Variants in OVCH1 observed in about 807,000 individuals in gnomAD.
OVCH1 encodes the protein ovochymase 1.
A neutral mutation model predicts 138.4 loss-of-function variants in OVCH1; 139 were observed. The observed-to-expected ratio is 1.00, with a 90% CI of 0.87 to 1.16. The LOEUF is 1.16. OVCH1 is among the 50% of genes most tolerant of loss of function. The pLI, the probability that OVCH1 is intolerant of heterozygous loss-of-function variation, is 0.00. For synonymous variants in OVCH1, 453 were observed against 467.8 expected (o/e 0.97, Z 0.41); for missense variants, 1,367 against 1,357.9 (o/e 1.01, Z -0.11).
chr12:29,437,287 A>G (rs1221799000), intron 26 of OVCH1, among the ~76,000 whole-genome samples: 1 of 152,208 alleles, frequency 6.6e-6, no homozygotes, highest in Non-Finnish European at 1.5e-5. Context: ...TGTCATTTTT[A>G]AAAGTAGGGT....
At chr12:29,491,057 A>G in intron 5 of OVCH1, 40 bp downstream of exon 5, 1 of 1,509,938 alleles carries the variant, frequency 6.6e-7, no homozygotes, top group Non-Finnish European at 9.2e-7. Context: ...GGACATACAG[A>G]GAGCTGGAAG....
intron 14 of OVCH1, among the ~76,000 whole-genome samples, chr12:29,473,585 A>G (rs761724997): frequency 6.6e-6 from 1 of 152,072 alleles, no homozygotes; most frequent in Non-Finnish European, 1.5e-5. Flanking sequence ...ATTGAACCAA[A>G]TGATTTTAAG....
At chr12:29,472,640 G>A (rs1405677852) in intron 15 of OVCH1, among the ~76,000 whole-genome samples, 4 of 152,146 alleles carry the variant, frequency 2.6e-5, no homozygotes, top group African/African-American at 7.2e-5. Context: ...AACAATGAGG[G>A]ATCATAGTAT....
chr12:29,461,869 C>T (rs1490157446), exon 19 of OVCH1: 1 of 1,613,782 alleles, frequency 6.2e-7, no homozygotes, highest in Admixed American at 1.7e-5. Context: ...AGAAATCTTT[C>T]TCTCCAGATG....
chr12:29,461,307 A>T (rs534896123), intron 19 of OVCH1, among the ~76,000 whole-genome samples: 2 of 152,180 alleles, frequency 1.3e-5, no homozygotes, highest in African/African-American at 4.8e-5. Context: ...GACTTTGTGA[A>T]GGTTAAAGCT....
chr12:29,430,309 A>AT (rs1261462434), intron 27 of OVCH1, among the ~76,000 whole-genome samples: 9 of 152,260 alleles, frequency 5.9e-5, no homozygotes, highest in South Asian at 4.1e-4. Flanking sequence ...AGGAGGTGGC[A>AT]TTTTCCAGAG....
chr12:29,474,621 G>A (rs376921310), intron 14 of OVCH1, among the ~76,000 whole-genome samples: 3 of 152,202 alleles, frequency 2.0e-5, no homozygotes, highest in Admixed American at 6.5e-5. Flanking sequence ...CTTATACGTT[G>A]TCCATTCTCT....
intron 22 of OVCH1, among the ~76,000 whole-genome samples, chr12:29,448,398 C>T (rs921138502): frequency 1.3e-5 from 2 of 151,718 alleles, no homozygotes; most frequent in East Asian, 1.9e-4. Context: ...GAGGCAGGGG[C>T]GTGATACAAC....
chr12:29,433,785 C>G lies in OVCH1; in HGVS notation c.3293G>C (p.Arg1098Thr), dbSNP rs1017001580. 1.3e-5 allele frequency: 18 copies of G among 1,416,756 alleles called. No individual in the cohort carries two copies. The highest frequency in any genetic ancestry group is 1.5e-5 in the Non-Finnish European group (16 of 1,055,798). The allele number at this position is 1,416,756 out of a possible 1,614,324, so 87.8% of individuals were successfully genotyped here. A position where few individuals can be genotyped will look rare whatever the true frequency, so the allele number is the denominator to read the frequency against. Residue 1098 changes from arginine (R) to threonine (T), a missense_variant, in exon 27 of 28, where the codon AGA (arginine) becomes ACA (threonine). Coordinates refer to ENST00000318184, the Ensembl canonical transcript of OVCH1. ...ATTTGATGCAAATTTCTTCTGTTTTCTTTTTCCAACACTTCTTACATTATC... is the reference window on the plus strand; with the variant it reads ...ATTTGATGCAAATTTCTTCTGTTTTGTTTTTCCAACACTTCTTACATTATC...
At chr12:29,442,402 C>T (rs1000736365) in intron 25 of OVCH1, among the ~76,000 whole-genome samples, 3 of 131,002 alleles carry the variant, frequency 2.3e-5, no homozygotes, top group South Asian at 2.5e-4. Flanking sequence ...TATTCTCACT[C>T]TTAGGTGGGA....
At chr12:29,419,379 C>G (rs960399975) in intron 3 of OVCH1, among the ~76,000 whole-genome samples, 4 of 151,858 alleles carry the variant, frequency 2.6e-5, no homozygotes, top group African/African-American at 9.7e-5. Flanking sequence ...GCTCCGCCTC[C>G]CAGGTTCATG....
intron 3 of OVCH1, among the ~76,000 whole-genome samples, chr12:29,419,865 G>A (rs1456555117): frequency 2.0e-5 from 3 of 152,098 alleles, no homozygotes; most frequent in Non-Finnish European, 4.4e-5. Flanking sequence ...TCCCCAAACA[G>A]TTTTGAACAC....
At chr12:29,402,581 G>A in the OVCH1 span, among the ~76,000 whole-genome samples, 1 of 151,880 alleles carries the variant, frequency 6.6e-6, no homozygotes, top group Non-Finnish European at 1.5e-5. Flanking sequence ...AGGGCATTGA[G>A]AAAGAAGGAT....
At chr12:29,483,568 C>G (rs1016681301) in intron 8 of OVCH1, among the ~76,000 whole-genome samples, 1 of 152,116 alleles carries the variant, frequency 6.6e-6, no homozygotes, top group Non-Finnish European at 1.5e-5. Flanking sequence ...AACTCAAGGT[C>G]CTCTGCAATT....
chr12:29,464,425 G>A (rs1942244154), intron 18 of OVCH1, 82 bp downstream of exon 18: 1 of 1,397,464 alleles, frequency 7.2e-7, no homozygotes, highest in Non-Finnish European at 9.9e-7. Flanking sequence ...GGCTGAAGCG[G>A]ATGCTGCTTG....
At chr12:29,483,216 A>G (rs1268402952) in intron 8 of OVCH1, among the ~76,000 whole-genome samples, 2 of 152,082 alleles carry the variant, frequency 1.3e-5, no homozygotes, top group East Asian at 3.9e-4. Context: ...TGGCTTATCA[A>G]TCTCCCTGTC....
chr12:29,486,434 T>G (rs1460683413), intron 7 of OVCH1, 86 bp from the exon 8 acceptor site: 15 of 1,076,296 alleles, frequency 1.4e-5, no homozygotes, highest in Non-Finnish European at 1.9e-5. Context: ...TAAAAGAATA[T>G]GAAGAATTAT....
chr12:29,431,598 AT>A (rs1309320681), intron 27 of OVCH1, among the ~76,000 whole-genome samples: 3 of 152,240 alleles, frequency 2.0e-5, no homozygotes, highest in East Asian at 3.9e-4. Flanking sequence ...CCATTTTTCC[AT>A]GCTACTAACT....
exon 11 of OVCH1, chr12:29,477,377 C>G (rs754703697): frequency 8.1e-6 from 13 of 1,613,962 alleles, no homozygotes; most frequent in Non-Finnish European, 1.1e-5. Flanking sequence ...ACGGTAAGCT[C>G]AAAGCCACTG....
Sources: allele counts gnomAD v4.1 joint callset (sites outside exome capture counted in the v4.1 genomes callset), GRCh38; gene constraint gnomAD v4.1.1; transcripts MANE v1.5; gene names NCBI Gene and HGNC (gene_info 2026-07-23, HGNC 2026-07-21).